Variants in EPHA6 observed in about 807,000 individuals in gnomAD.
The protein encoded by EPHA6 is ephrin type-A receptor 6.
EPHA6 carries 50 observed loss-of-function variants against 112.0 expected under a neutral mutation model. That is an observed-to-expected ratio of 0.45 (90% CI 0.36 to 0.56). The LOEUF is 0.56. Ranked by LOEUF, EPHA6 falls within the 20% of genes least tolerant of loss-of-function variation. The pLI is 0.00. For synonymous variants in EPHA6, 529 were observed against 490.7 expected (o/e 1.08, Z -1.03); for missense variants, 1,280 against 1,417.4 (o/e 0.90, Z 1.56).
intron 2 of EPHA6, among the ~76,000 whole-genome samples, chr3:96,938,669 G>A (rs934096604): frequency 6.6e-6 from 1 of 151,758 alleles, no homozygotes; most frequent in Non-Finnish European, 1.5e-5. Flanking sequence ...GTGAGAGAGG[G>A]CATCCCTGTC....
At chr3:97,291,306 G>A (rs752723986) in intron 5 of EPHA6, among the ~76,000 whole-genome samples, 10 of 152,046 alleles carry the variant, frequency 6.6e-5, no homozygotes, top group Non-Finnish European at 1.3e-4. Flanking sequence ...ATAATCTATC[G>A]TGGAGAATAT....
At chr3:97,734,492 T>C (rs1365363321) in intron 15 of EPHA6, among the ~76,000 whole-genome samples, 2 of 152,008 alleles carry the variant, frequency 1.3e-5, no homozygotes, top group African/African-American at 4.8e-5. Context: ...AGAAAAATGC[T>C]AGCATCCTGA....
intron 14 of EPHA6, among the ~76,000 whole-genome samples, chr3:97,670,384 A>G (rs2030684388): frequency 6.6e-6 from 1 of 152,200 alleles, no homozygotes; most frequent in Non-Finnish European, 1.5e-5. Context: ...GTTGTAGAAA[A>G]TATAATATTT....
At chr3:97,425,142 T>C (rs1459065852) in intron 6 of EPHA6, among the ~76,000 whole-genome samples, 1 of 152,202 alleles carries the variant, frequency 6.6e-6, no homozygotes, top group Non-Finnish European at 1.5e-5. Flanking sequence ...AGGTGCATGA[T>C]GCAAGCTGTC....
chr3:96,935,373 T>C (rs571600201), intron 2 of EPHA6, among the ~76,000 whole-genome samples: 5 of 151,700 alleles, frequency 3.3e-5, no homozygotes, highest in African/African-American at 1.2e-4. Flanking sequence ...GTTAAAAATA[T>C]AACTTGTGAT....
chr3:96,941,365 A>T (rs1217759268), intron 2 of EPHA6, among the ~76,000 whole-genome samples: 2 of 151,954 alleles, frequency 1.3e-5, no homozygotes, highest in East Asian at 3.9e-4. Flanking sequence ...TCTATCACTG[A>T]TACCCTTTCT....
At chr3:97,112,309 A>G (rs1487107448) in intron 3 of EPHA6, among the ~76,000 whole-genome samples, 1 of 152,144 alleles carries the variant, frequency 6.6e-6, no homozygotes, top group Admixed American at 6.6e-5. Flanking sequence ...GTCACTTATT[A>G]AAACAGTACA....
chr3:97,249,767 C>T (rs1196175076), intron 5 of EPHA6, among the ~76,000 whole-genome samples: 1 of 152,152 alleles, frequency 6.6e-6, no homozygotes, highest in Non-Finnish European at 1.5e-5. Context: ...AATCTCTACC[C>T]ACTGCATTAA....
intron 5 of EPHA6, among the ~76,000 whole-genome samples, chr3:97,378,634 C>T (rs1264529320): frequency 6.6e-6 from 1 of 152,184 alleles, no homozygotes; most frequent in Non-Finnish European, 1.5e-5. Flanking sequence ...CCATGGGAAC[C>T]CACCGCTTGC....
At chr3:97,383,365 G>T (rs544997878) in intron 5 of EPHA6, among the ~76,000 whole-genome samples, 1 of 151,904 alleles carries the variant, frequency 6.6e-6, no homozygotes, top group Non-Finnish European at 1.5e-5. Flanking sequence ...ACCCATATTT[G>T]GCTAACAAGT....
In EPHA6 at chr3:96,814,915, T is replaced by G; in HGVS notation, c.292T>G (p.Cys98Gly). The change falls in exon 1 of 18, where the codon TGC (cysteine) becomes GGC (glycine). Residue 98 changes from cysteine (C) to glycine (G), a missense_variant. Around this residue, in one of 4 missense-constraint regions of EPHA6, gnomAD observed 220 missense variants for 171.5 expected, o/e 1.28. Transcript: ENST00000389672. ...KREPRRTMGG[C>G]EVREFLLQFG... ...AGAGCCTAGGAGAACCATGGGGGGC[T>G]GCGAAGTCCGGGAATTTCTTTTGCA... The G allele has an allele frequency of 6.4e-7, 1 of 1,552,430 alleles. No individual in the cohort carries two copies. The highest frequency in any genetic ancestry group is 8.7e-7 in the Non-Finnish European group (1 of 1,147,264).
chr3:97,187,918 A>G (rs1427996405), intron 3 of EPHA6, among the ~76,000 whole-genome samples: 3 of 152,146 alleles, frequency 2.0e-5, no homozygotes, highest in Non-Finnish European at 2.9e-5. Flanking sequence ...CTCCCAAAAT[A>G]TAAGAGGAAT....
At chr3:97,540,459 A>G (rs1461462078) in intron 11 of EPHA6, among the ~76,000 whole-genome samples, 4 of 152,194 alleles carry the variant, frequency 2.6e-5, no homozygotes, top group Non-Finnish European at 4.4e-5. Context: ...TTCCCTTCTT[A>G]TAAGAAAAGA....
At chr3:96,945,254 C>T (rs895973000) in intron 2 of EPHA6, among the ~76,000 whole-genome samples, 3 of 152,100 alleles carry the variant, frequency 2.0e-5, no homozygotes, top group Admixed American at 2.0e-4. Context: ...TTTCTGATTC[C>T]ATATTCACCT....
chr3:97,264,661 G>A (rs1332280031), intron 5 of EPHA6, among the ~76,000 whole-genome samples: 1 of 152,218 alleles, frequency 6.6e-6, no homozygotes, highest in Non-Finnish European at 1.5e-5. Flanking sequence ...TCGCCATTTG[G>A]TGGGTCCCAA....
chr3:97,258,660 T>C (rs2079396284), intron 5 of EPHA6, among the ~76,000 whole-genome samples: 1 of 152,116 alleles, frequency 6.6e-6, no homozygotes, highest in African/African-American at 2.4e-5. Context: ...AGTAGTTTCA[T>C]CATGTATAGA....
chr3:97,503,269 G>C (rs191327673), intron 10 of EPHA6, among the ~76,000 whole-genome samples: 239 of 152,184 alleles, frequency 1.6e-3, no homozygotes, highest in African/African-American at 5.5e-3. Flanking sequence ...TCCAGATTTT[G>C]AGTTTTTTTG....
At chr3:97,262,429 A>C (rs2079535218) in intron 5 of EPHA6, among the ~76,000 whole-genome samples, 1 of 152,188 alleles carries the variant, frequency 6.6e-6, no homozygotes, top group Non-Finnish European at 1.5e-5. Context: ...GGGAAAGTTA[A>C]GTTAAAAGAT....
intron 5 of EPHA6, among the ~76,000 whole-genome samples, chr3:97,313,418 T>C (rs945565454): frequency 7.9e-5 from 12 of 151,546 alleles, no homozygotes; most frequent in African/African-American, 2.7e-4. Flanking sequence ...GAAGTGGGAT[T>C]GTTGGGGTAA....
Sources: gnomAD v4.1 joint callset for allele counts (sites outside exome capture counted in the v4.1 genomes callset) on GRCh38, gnomAD v4.1.1 for gene constraint, gnomAD v4.1.1 regional missense constraint, MANE v1.5 for transcripts, NCBI Gene and HGNC (gene_info 2026-07-23, HGNC 2026-07-21) for gene names.